Variants in FOXK2 observed in about 807,000 individuals in gnomAD.
FOXK2 encodes forkhead box protein K2.
A neutral mutation model predicts 53.3 loss-of-function variants in FOXK2; 24 were observed. The observed-to-expected ratio is 0.45, with a 90% CI of 0.33 to 0.63. The LOEUF (loss-of-function observed/expected upper bound fraction) is 0.63, where lower values mean the gene tolerates loss of function less well. Among genes scored for constraint, FOXK2 ranks in the 30% least tolerant of loss-of-function variants. FOXK2 has a pLI of 0.03. For synonymous variants in FOXK2, 505 were observed against 407.1 expected, an observed-to-expected ratio of 1.24 and a Z score of -2.89; for missense variants, 952 against 910.5, an observed-to-expected ratio of 1.05 and a Z score of -0.59.
In FOXK2 at chr17:82,586,153, C is replaced by T. The variant is rs750386923; in HGVS notation, c.1529C>T (p.Pro510Leu). ...GTCACCCCGGCAGCCGTGCTGGCCC[C>T]TCCTAAGGCAGAGGCCCAGGAGAAT... The part of the protein sequence containing the change: ...AVVTPAAVLA[P>L]PKAEAQENGD... The change falls in exon 7 of 9, where the codon CCT becomes CTT. Residue 510 changes from proline to leucine, a missense_variant. This residue lies in a region of FOXK2 where 551 missense variants were observed against 385.1 expected (regional missense o/e 1.43). Transcript: ENST00000335255. The T allele has an allele frequency of 6.8e-6, 11 of 1,612,044 alleles. No individual in the cohort carries two copies. The Admixed American group carries it at 1.2e-4, about 17-fold the overall frequency.
intron 4 of FOXK2, among the ~76,000 whole-genome samples, chr17:82,581,649 G>A (rs1482313663): frequency 2.0e-5 from 3 of 151,972 alleles, no homozygotes; most frequent in African/African-American, 4.8e-5. Context: ...CTAATTTTTC[G>A]TATTTTTAGT....
At chr17:82,577,728 A>C (rs1455362759) in intron 4 of FOXK2, among the ~76,000 whole-genome samples, 1 of 152,074 alleles carries the variant, frequency 6.6e-6, no homozygotes, top group Non-Finnish European at 1.5e-5. Context: ...GGTTCCTTTT[A>C]TTTATTTTTG....
In FOXK2 at chr17:82,556,438, C is replaced by T. The variant is rs143315821; in HGVS notation, c.420-6916C>T. On this transcript the variant is annotated intron_variant, in intron 1 of 8. Transcript: ENST00000335255. The stretch of plus-strand genomic sequence containing the variant: ...CAGTCTGGGCAATAGAGTGAGACTC[C>T]GTCTAAAAAAAAAAAAAGCAAGTTA... Among the ~76,000 whole-genome samples the T allele has an allele frequency of 6.8e-3, 986 of 145,176 alleles. 16 individuals carry two copies. The highest frequency in any genetic ancestry group is 0.024 in the African/African-American group (917 of 38,716).
chr17:82,593,791 G>A (rs976321577), intron 8 of FOXK2: 2 of 152,322 alleles, frequency 1.3e-5, no homozygotes, highest in Non-Finnish European at 1.5e-5. Flanking sequence ...CCACAGTGAC[G>A]ATGGGTGTTG....
At chr17:82,589,089 G>A (rs1299700048) in intron 8 of FOXK2, among the ~76,000 whole-genome samples, 1 of 152,078 alleles carries the variant, frequency 6.6e-6, no homozygotes, top group Non-Finnish European at 1.5e-5. Context: ...TCCTTTTTAT[G>A]TATTTAAGTT....
intron 8 of FOXK2, among the ~76,000 whole-genome samples, chr17:82,591,849 C>T (rs551163129): frequency 2.0e-5 from 3 of 152,332 alleles, no homozygotes; most frequent in South Asian, 2.1e-4. Context: ...GGGCTGCAGG[C>T]GCTGTTTCTG....
At chr17:82,535,742 G>GTT (rs1339091058) in intron 1 of FOXK2, among the ~76,000 whole-genome samples, 2 of 123,138 alleles carry the variant, frequency 1.6e-5, no homozygotes, top group African/African-American at 3.0e-5. Flanking sequence ...TTAGTTGTGT[G>GTT]TTTTTGTTTT....
chr17:82,535,543 T>C (rs2044511602), intron 1 of FOXK2, among the ~76,000 whole-genome samples: 1 of 152,180 alleles, frequency 6.6e-6, no homozygotes, highest in African/African-American at 2.4e-5. Flanking sequence ...AGAATCTCAG[T>C]CTTCCCATCT....
Position 82,520,062 on chromosome 17 carries a change from C to T in FOXK2, c.174C>T (p.Arg58=), listed in dbSNP as rs2044343691. 8 of 1,541,724 alleles carry T rather than the reference C, an allele frequency of 5.2e-6. No individual in the cohort carries two copies. In the East Asian group the frequency reaches 2.1e-4, roughly 41 times the overall value. The change falls in exon 1 of 9, where the codon CGC becomes CGT. Residue 58 remains arginine (R), a synonymous_variant. Transcript: ENST00000335255. Reference sequence around the variant, plus strand: ...AGAAGCGCTCGGTGACCATCGGCCGCAACTCGTCGCAGGGCTCGGTGGACG... The same window carrying T: ...AGAAGCGCTCGGTGACCATCGGCCGTAACTCGTCGCAGGGCTCGGTGGACG... The part of the protein sequence containing the change: ...LMKKRSVTIG[R]NSSQGSVDVS...
At chr17:82,540,544 C>G (rs1300541587) in intron 1 of FOXK2, among the ~76,000 whole-genome samples, 2 of 152,110 alleles carry the variant, frequency 1.3e-5, no homozygotes, top group Admixed American at 1.3e-4. Flanking sequence ...CTACTCATGC[C>G]CCTGTCTTTT....
chr17:82,576,526 T>C, intron 4 of FOXK2: 2 of 621,552 alleles, frequency 3.2e-6, no homozygotes, highest in Admixed American at 3.0e-5. Flanking sequence ...TCAGTCTTTT[T>C]CCAAGATGTA....
chr17:82,542,063 T>A (rs1164864951), intron 1 of FOXK2, among the ~76,000 whole-genome samples: 1 of 151,906 alleles, frequency 6.6e-6, no homozygotes, highest in East Asian at 1.9e-4. Flanking sequence ...TATTTTTTGG[T>A]AGAGACAGGG....
At chr17:82,594,882 C>CA (rs1037468852) in intron 8 of FOXK2, among the ~76,000 whole-genome samples, 11 of 152,278 alleles carry the variant, frequency 7.2e-5, no homozygotes, top group East Asian at 3.9e-4. Context: ...TCTGTGTCTA[C>CA]AAAAAATCAC....
chr17:82,536,929 A>G (rs933043082), intron 1 of FOXK2, among the ~76,000 whole-genome samples: 1 of 152,244 alleles, frequency 6.6e-6, no homozygotes, highest in African/African-American at 2.4e-5. Context: ...GGCAAAACAG[A>G]AGAGGAGTGC....
rs143958582 is a variant in FOXK2 at position 82,590,264 on chromosome 17, C to G, written c.1786+2992C>G. Among the ~76,000 whole-genome samples the G allele has an allele frequency of 3.8e-3, 584 of 152,236 alleles. 2 individuals are homozygous for G. Among genetic ancestry groups the G allele is most frequent in the Non-Finnish European group, 6.6e-3 (449 of 68,024 alleles). ...AACAGTGTCGGCTACAGCCTGGATG[C>G]TGAACACCTAGGATGAGAACCACTG... On this transcript the variant is annotated intron_variant, in intron 8 of 8. Transcript: ENST00000335255.
intron 6 of FOXK2, among the ~76,000 whole-genome samples, chr17:82,585,544 C>T (rs1223316182): frequency 6.6e-6 from 1 of 152,152 alleles, no homozygotes; most frequent in Non-Finnish European, 1.5e-5. Context: ...TCAAACTCCT[C>T]CCACCTCAGC....
At chr17:82,549,405 A>G (rs1027754364) in intron 1 of FOXK2, among the ~76,000 whole-genome samples, 1 of 151,736 alleles carries the variant, frequency 6.6e-6, no homozygotes, top group Admixed American at 6.6e-5. Flanking sequence ...CAAACCCCCA[A>G]AATTATTCTC....
At chr17:82,576,329 G>A (rs1026525618) in intron 4 of FOXK2, among the ~76,000 whole-genome samples, 6 of 152,226 alleles carry the variant, frequency 3.9e-5, no homozygotes, top group African/African-American at 1.4e-4. Context: ...TGGAGTGCTG[G>A]ACATGGGCTC....
intron 8 of FOXK2, among the ~76,000 whole-genome samples, chr17:82,598,498 G>A (rs149742118): frequency 3.3e-4 from 51 of 152,330 alleles, no homozygotes; most frequent in Non-Finnish European, 6.5e-4. Flanking sequence ...GAACACCCAA[G>A]ATGGAAGACT....
Sources: gnomAD v4.1 joint callset for allele counts (sites outside exome capture counted in the v4.1 genomes callset) on GRCh38, gnomAD v4.1.1 for gene constraint, gnomAD v4.1.1 regional missense constraint, MANE v1.5 for transcripts, NCBI Gene and HGNC (gene_info 2026-07-23, HGNC 2026-07-21) for gene names.